Variants in NBEA observed in about 807,000 individuals in gnomAD.
NBEA encodes lysosomal-trafficking regulator 2.
A neutral mutation model predicts 343.4 loss-of-function variants in NBEA; 44 were observed. The observed-to-expected ratio is 0.13, with a 90% CI of 0.10 to 0.16. The LOEUF is 0.16. NBEA is among the 10% of genes least tolerant of loss of function. The pLI, the probability that NBEA is intolerant of heterozygous loss-of-function variation, is 1.00. For missense variants in NBEA, 2,555 were observed against 3,631.3 expected (o/e 0.70, Z 7.62); for synonymous variants, 1,175 against 1,238.7 (o/e 0.95, Z 1.08).
At chr13:35,401,377 A>G (rs1304873133) in intron 38 of NBEA, among the ~76,000 whole-genome samples, 1 of 152,070 alleles carries the variant, frequency 6.6e-6, no homozygotes, top group Non-Finnish European at 1.5e-5. Flanking sequence ...CCCTGACAAC[A>G]CATTACAAAG....
chr13:35,043,688 A>G (rs1301403751), intron 2 of NBEA, among the ~76,000 whole-genome samples: 1 of 151,934 alleles, frequency 6.6e-6, no homozygotes, highest in African/African-American at 2.4e-5. Flanking sequence ...TGTGTGTTAA[A>G]TAAAATTATT....
intron 47 of NBEA, among the ~76,000 whole-genome samples, chr13:35,604,384 C>G (rs190296899): frequency 6.6e-6 from 1 of 152,026 alleles, no homozygotes; most frequent in Admixed American, 6.6e-5. Flanking sequence ...ATTGTTGATA[C>G]ACATTTGGCC....
chr13:35,260,496 T>C (rs2033110259), intron 34 of NBEA, among the ~76,000 whole-genome samples: 1 of 152,218 alleles, frequency 6.6e-6, no homozygotes, highest in Admixed American at 6.5e-5. Context: ...CTGATTTGCC[T>C]GGAGGCACTT....
intron 36 of NBEA, among the ~76,000 whole-genome samples, chr13:35,340,364 C>G (rs1281203174): frequency 1.3e-5 from 2 of 151,994 alleles, no homozygotes; most frequent in Admixed American, 1.3e-4. Context: ...AATAAAAGGA[C>G]AAATACTGCA....
chr13:35,664,576 T>C (rs2085258048), intron 55 of NBEA, among the ~76,000 whole-genome samples: 1 of 152,256 alleles, frequency 6.6e-6, no homozygotes, highest in African/African-American at 2.4e-5. Flanking sequence ...TTCTGGGATA[T>C]AATTCAGCTG....
chr13:35,642,183 T>C (rs2083993097), intron 49 of NBEA, among the ~76,000 whole-genome samples: 1 of 152,192 alleles, frequency 6.6e-6, no homozygotes, highest in Admixed American at 6.5e-5. Flanking sequence ...GTATGAAATA[T>C]GTAAGACTCA....
intron 52 of NBEA, among the ~76,000 whole-genome samples, chr13:35,651,447 C>A (rs117961080): frequency 0.059 from 8,918 of 152,022 alleles, 297 homozygotes; most frequent in South Asian, 0.086. Flanking sequence ...CAGCCTCATA[C>A]CCATCCCTGC....
In NBEA at chr13:35,227,929, G is replaced by A. The variant is rs553452412; in HGVS notation, c.5649-4563G>A. 6.1e-4 allele frequency among the ~76,000 whole-genome samples: 92 copies of A among 151,096 alleles called. 1 individual carries two copies. The highest frequency in any genetic ancestry group is 2.1e-3 in the African/African-American group (87 of 41,300). On this transcript the variant is annotated intron_variant, in intron 33 of 58. Coordinates refer to ENST00000379939, the MANE Select transcript of NBEA (RefSeq NM_001385012.1). Reference sequence around the variant, plus strand: ...TTTGTTATGAACTATGTTTATAAGGGGATTCATTTAGATGACAGGAGAGAA... The same window carrying A: ...TTTGTTATGAACTATGTTTATAAGGAGATTCATTTAGATGACAGGAGAGAA...
chr13:35,523,628 G>A (rs2077826315), intron 41 of NBEA, among the ~76,000 whole-genome samples: 1 of 152,106 alleles, frequency 6.6e-6, no homozygotes, highest in Non-Finnish European at 1.5e-5. Context: ...TGCCTCTCCT[G>A]GGGGTTGTTT....
chr13:35,527,704 C>T (rs779373850), intron 41 of NBEA, among the ~76,000 whole-genome samples: 21 of 152,220 alleles, frequency 1.4e-4, no homozygotes, highest in Non-Finnish European at 2.8e-4. Flanking sequence ...ACAGGCACTT[C>T]TGAGCCTGCG....
intron 40 of NBEA, among the ~76,000 whole-genome samples, chr13:35,460,457 T>C (rs2046838055): frequency 1.3e-5 from 2 of 152,200 alleles, no homozygotes; most frequent in Admixed American, 1.3e-4. Context: ...AAAGCTAAAG[T>C]ATTTAAATTT....
chr13:35,263,677 A>G (rs1471243332), intron 34 of NBEA, among the ~76,000 whole-genome samples: 2 of 152,068 alleles, frequency 1.3e-5, no homozygotes, highest in African/African-American at 2.4e-5. Flanking sequence ...GCTTCTAAAC[A>G]ACTAATGGGT....
At chr13:35,504,135 A>C (rs570395605) in intron 41 of NBEA, among the ~76,000 whole-genome samples, 2 of 152,322 alleles carry the variant, frequency 1.3e-5, no homozygotes, top group African/African-American at 4.8e-5. Context: ...TCATGAGTGA[A>C]TATTTGTTTT....
intron 10 of NBEA, among the ~76,000 whole-genome samples, chr13:35,094,484 T>C (rs2065235332): frequency 6.6e-6 from 1 of 152,102 alleles, no homozygotes; most frequent in Admixed American, 6.6e-5. Context: ...TAAAAGTGAC[T>C]GCTAAATATA....
chr13:35,632,077 C>T (rs537708314), intron 49 of NBEA, among the ~76,000 whole-genome samples: 1 of 152,192 alleles, frequency 6.6e-6, no homozygotes, highest in Admixed American at 6.5e-5. Flanking sequence ...TGGCTTACAT[C>T]GTAATCTTCT....
chr13:35,086,136 T>A (rs914821032), intron 10 of NBEA, among the ~76,000 whole-genome samples: 2 of 152,022 alleles, frequency 1.3e-5, no homozygotes, highest in Admixed American at 6.6e-5. Flanking sequence ...ATCAATATCG[T>A]GAAAATGGCC....
At chr13:35,657,873 G>T (rs1240729360) in intron 55 of NBEA, among the ~76,000 whole-genome samples, 2 of 152,100 alleles carry the variant, frequency 1.3e-5, no homozygotes, top group Non-Finnish European at 2.9e-5. Context: ...CTTAAAAGCT[G>T]CCATCTGGTA....
At chr13:34,988,618 T>A (rs2060643663) in intron 1 of NBEA, among the ~76,000 whole-genome samples, 1 of 150,924 alleles carries the variant, frequency 6.6e-6, no homozygotes, top group Non-Finnish European at 1.5e-5. Flanking sequence ...TGGGATATAA[T>A]CTCCTGTTGT....
chr13:35,455,000 T>C (rs899257039), intron 40 of NBEA, among the ~76,000 whole-genome samples: 7 of 152,126 alleles, frequency 4.6e-5, no homozygotes, highest in African/African-American at 1.4e-4. Flanking sequence ...TATTTCAATC[T>C]CTGAGATAAA....
Sources: allele counts gnomAD v4.1 joint callset (sites outside exome capture counted in the v4.1 genomes callset), GRCh38; gene constraint gnomAD v4.1.1; transcripts MANE v1.5; gene names NCBI Gene and HGNC (gene_info 2026-07-23, HGNC 2026-07-21).